FAF1: variants seen among roughly 807,000 people sequenced by gnomAD.
FAF1 encodes FAS-associated factor 1.
A neutral mutation model predicts 92.5 loss-of-function variants in FAF1; 25 were observed. The observed-to-expected ratio is 0.27, with a 90% confidence interval of 0.20 to 0.38. The LOEUF is 0.38. Ranked by LOEUF, FAF1 falls within the 10% of genes least tolerant of loss-of-function variation. The pLI is 1.00. For synonymous variants in FAF1, 234 were observed against 273.2 expected, an observed-to-expected ratio of 0.86 and a Z score of 1.42; for missense variants, 636 against 793.3, an observed-to-expected ratio of 0.80 and a Z score of 2.38.
rs1309563781 is a variant in FAF1 at position 50,744,670 on chromosome 1, A to G, written c.459+14T>C. ...CTTAATTTTCTTTTATTTCTATGCA[A>G]TTAAGAAACTCACACTGTCTTCCAC... is the stretch of plus-strand genomic sequence containing the variant. On this transcript the variant is annotated intron_variant, in intron 5 of 18. Transcript: ENST00000396153. 1 of 1,535,788 alleles carries G rather than the reference A, an allele frequency of 6.5e-7. No individual in the cohort carries two copies. Among genetic ancestry groups the G allele is most frequent in the South Asian group, 1.2e-5 (1 of 86,026 alleles).
At chr1:50,666,872 G>A (rs1178303248) in intron 7 of FAF1, among the ~76,000 whole-genome samples, 2 of 152,140 alleles carry the variant, frequency 1.3e-5, no homozygotes, top group African/African-American at 4.8e-5. Context: ...GTGACAGAGT[G>A]AGACTCCATC....
intron 17 of FAF1, among the ~76,000 whole-genome samples, chr1:50,485,367 A>G (rs1646752008): frequency 6.6e-6 from 1 of 152,086 alleles, no homozygotes; most frequent in Non-Finnish European, 1.5e-5. Flanking sequence ...ACACTGCTAC[A>G]AAGAACTACC....
At chr1:50,712,764 T>C (rs187761015) in intron 6 of FAF1, among the ~76,000 whole-genome samples, 16 of 152,256 alleles carry the variant, frequency 1.1e-4, no homozygotes, top group African/African-American at 3.6e-4. Context: ...ATGTGTTGAG[T>C]CCTCAGCTGC....
chr1:50,719,977 T>C (rs1219947037), intron 6 of FAF1, among the ~76,000 whole-genome samples: 1 of 152,048 alleles, frequency 6.6e-6, no homozygotes, highest in South Asian at 2.1e-4. Flanking sequence ...TTGGGAAATG[T>C]CCTCTTCTTA....
At chr1:50,521,700 A>G (rs1368317734) in intron 15 of FAF1, among the ~76,000 whole-genome samples, 1 of 152,242 alleles carries the variant, frequency 6.6e-6, no homozygotes, top group African/African-American at 2.4e-5. Flanking sequence ...CTATTTAACA[A>G]TGAATGCTTT....
At chr1:50,739,409 T>TGC (rs1659295696) in intron 5 of FAF1, among the ~76,000 whole-genome samples, 1 of 111,322 alleles carries the variant, frequency 9.0e-6, no homozygotes, top group African/African-American at 5.1e-5. Flanking sequence ...TGTATGTGTA[T>TGC]ACATGTGAGT....
At chr1:50,725,892 C>A (rs961281567) in intron 6 of FAF1, among the ~76,000 whole-genome samples, 1 of 152,156 alleles carries the variant, frequency 6.6e-6, no homozygotes, top group Non-Finnish European at 1.5e-5. Context: ...AACCCAGAGG[C>A]CACAGAAGAC....
intron 13 of FAF1, among the ~76,000 whole-genome samples, chr1:50,557,009 G>A (rs1370287217): frequency 6.6e-6 from 1 of 152,176 alleles, no homozygotes; most frequent in East Asian, 1.9e-4. Flanking sequence ...AAAATTTGTT[G>A]CTGAGACAGT....
chr1:50,763,550 C>T (rs1660442602), intron 4 of FAF1, among the ~76,000 whole-genome samples: 1 of 152,076 alleles, frequency 6.6e-6, no homozygotes, highest in Non-Finnish European at 1.5e-5. Flanking sequence ...ATACATTGTA[C>T]CATTTTATAT....
In FAF1 at chr1:50,678,776, C is replaced by CAAAAA. The variant is rs58946586; in HGVS notation, c.658-23253_658-23249dup. ...GACTGGTGACAGAGAGACTCCATCTCAAAAAAAAAAAAAAAAAAAAAAAAA... is the reference window on the plus strand; with the variant it reads ...GACTGGTGACAGAGAGACTCCATCTCAAAAAAAAAAAAAAAAAAAAAAAAAAAAAA... On this transcript the variant is annotated intron_variant, in intron 7 of 18. Transcript: ENST00000396153. 9.3e-4 allele frequency among the ~76,000 whole-genome samples: 13 copies of CAAAAA among 13,932 alleles called. 1 individual carries two copies. The highest frequency in any genetic ancestry group is 9.4e-3 in the East Asian group (2 of 212). The allele number at this position is 13,932 out of a possible 152,430, so 9.1% of individuals were successfully genotyped here.
intron 1 of FAF1, among the ~76,000 whole-genome samples, chr1:50,864,781 C>T (rs1644466215): frequency 6.6e-6 from 1 of 152,100 alleles, no homozygotes; most frequent in African/African-American, 2.4e-5. Flanking sequence ...TAGGCATGGG[C>T]AAGGACTTCA....
intron 18 of FAF1, among the ~76,000 whole-genome samples, chr1:50,468,486 G>T (rs1469554165): frequency 6.9e-6 from 1 of 144,242 alleles, no homozygotes; most frequent in African/African-American, 2.6e-5. Context: ...TTGAGATGGA[G>T]TCTCACTCTG....
chr1:50,545,720 C>A (rs749060802), intron 13 of FAF1, among the ~76,000 whole-genome samples: 10 of 152,300 alleles, frequency 6.6e-5, no homozygotes, highest in Middle Eastern at 6.8e-3. Context: ...GAAACTGATA[C>A]AATTCCTTCA....
At chr1:50,733,200 A>G (rs926223333) in intron 6 of FAF1, among the ~76,000 whole-genome samples, 17 of 152,156 alleles carry the variant, frequency 1.1e-4, no homozygotes, top group African/African-American at 4.1e-4. Context: ...GTTTAGCTTC[A>G]CACTTCCTTA....
intron 7 of FAF1, among the ~76,000 whole-genome samples, chr1:50,690,506 T>G (rs538897442): frequency 6.6e-6 from 1 of 151,710 alleles, no homozygotes; most frequent in Admixed American, 6.6e-5. Context: ...GAGGCTGAGG[T>G]AGGAGAATCG....
At chr1:50,651,562 A>AT (rs1050363099) in intron 8 of FAF1, among the ~76,000 whole-genome samples, 2 of 152,218 alleles carry the variant, frequency 1.3e-5, no homozygotes, top group African/African-American at 4.8e-5. Context: ...AATGACCTTT[A>AT]TAACCAATCC....
chr1:50,573,999 T>A (rs1572843323), intron 12 of FAF1, among the ~76,000 whole-genome samples: 1 of 151,894 alleles, frequency 6.6e-6, no homozygotes, highest in East Asian at 1.9e-4. Context: ...TGTGGTGGGG[T>A]GCGCCTGTAA....
intron 3 of FAF1, among the ~76,000 whole-genome samples, chr1:50,796,937 C>G (rs575062788): frequency 6.6e-6 from 1 of 152,156 alleles, no homozygotes; most frequent in East Asian, 1.9e-4. Context: ...CAAGACTAAC[C>G]TGAGCAACAT....
At chr1:50,783,468 C>T (rs1291756043) in intron 4 of FAF1, among the ~76,000 whole-genome samples, 3 of 152,086 alleles carry the variant, frequency 2.0e-5, no homozygotes, top group Non-Finnish European at 4.4e-5. Flanking sequence ...AAAATATTAG[C>T]GAAACTAAAT....
Sources: gnomAD v4.1 joint callset for allele counts (sites outside exome capture counted in the v4.1 genomes callset) on GRCh38, gnomAD v4.1.1 for gene constraint, MANE v1.5 for transcripts, NCBI Gene and HGNC (gene_info 2026-07-23, HGNC 2026-07-21) for gene names.